Variants in CNTN4 observed in about 807,000 individuals in gnomAD.
The protein encoded by CNTN4 is contactin 4, also known as contactin-4.
CNTN4 carries 77 observed loss-of-function variants against 122.5 expected under a neutral mutation model. The ratio of observed to expected loss-of-function variants is 0.63; its 90% CI spans 0.52 to 0.76. The LOEUF (loss-of-function observed/expected upper bound fraction) is 0.76, where lower values mean the gene tolerates loss of function less well. Ranked by LOEUF, CNTN4 falls within the 30% of genes least tolerant of loss-of-function variation. The pLI, the probability that CNTN4 is intolerant of heterozygous loss-of-function variation, is 0.00. For missense variants in CNTN4, 1,256 were observed against 1,259.1 expected (o/e 1.00, Z 0.04); for synonymous variants, 512 against 447.0 (o/e 1.15, Z -1.83).
rs150875084 is a variant in CNTN4, at chr3:3,057,506, C to T, written c.*1286C>T. ...CAATGAGAAAGGTTTTGTGAGTAAA[C>T]CCTACTGGACAGTGACATAAAAGGC... On this transcript the variant is annotated 3_prime_UTR_variant, in exon 25 of 25. Transcript: ENST00000418658. The T allele has an allele frequency of 4.5e-4, 69 of 152,682 alleles. 1 individual carries two copies. The East Asian group carries it at 0.01, about 23-fold the overall frequency. 9.5% of individuals were successfully genotyped at this position (152,682 alleles called of 1,614,324 possible). A position where few individuals can be genotyped will look rare whatever the true frequency, so the allele number is the denominator to read the frequency against.
rs112045253 is a variant in CNTN4, at chr3:2,525,957, G to C, written c.-88-45459G>C. On this transcript the variant is annotated intron_variant, in intron 3 of 24. Transcript: ENST00000418658. ...CACCCCCATTGCTACTACAAATAAA[G>C]GTCTTAACAAGGTAGGTTTCTTATC... Among the ~76,000 whole-genome samples the C allele has an allele frequency of 3.8e-3, 573 of 152,114 alleles. 1 individual carries two copies. The highest frequency in any genetic ancestry group is 0.013 in the African/African-American group (539 of 41,518).
rs147728797 is a variant in CNTN4, at chr3:2,757,380, G to A, written c.358+11683G>A. On this transcript the variant is annotated intron_variant, in intron 6 of 24. Transcript: ENST00000418658. ...GAGTAGTTTGTTGGCCCTGAGTCCC[G>A]CTCTCTGGACTTCTTCCGTTTTCTA... 3.9e-3 allele frequency among the ~76,000 whole-genome samples: 596 copies of A among 152,168 alleles called. 5 individuals are homozygous for A. Among genetic ancestry groups the A allele is most frequent in the African/African-American group, 0.014 (565 of 41,514 alleles).
chr3:2,470,818 G>A (rs910755461), intron 3 of CNTN4, among the ~76,000 whole-genome samples: 1 of 152,174 alleles, frequency 6.6e-6, no homozygotes, highest in Non-Finnish European at 1.5e-5. Flanking sequence ...GCTGAACTGA[G>A]GAAAGTTTAA....
At chr3:2,986,903 T>C (rs1351546238) in intron 13 of CNTN4, among the ~76,000 whole-genome samples, 1 of 152,220 alleles carries the variant, frequency 6.6e-6, no homozygotes, top group African/African-American at 2.4e-5. Context: ...GATGCTACCA[T>C]TCCATGTGAT....
chr3:2,459,956 G>A (rs918294119), intron 3 of CNTN4, among the ~76,000 whole-genome samples: 1 of 152,054 alleles, frequency 6.6e-6, no homozygotes, highest in African/African-American at 2.4e-5. Flanking sequence ...GCTAAACCCA[G>A]GCATTGCTTC....
chr3:2,615,226 A>T (rs2081664837), intron 4 of CNTN4, among the ~76,000 whole-genome samples: 1 of 152,242 alleles, frequency 6.6e-6, no homozygotes, highest in Non-Finnish European at 1.5e-5. Flanking sequence ...GAAACAAAGC[A>T]AGCATTACAG....
intron 4 of CNTN4, among the ~76,000 whole-genome samples, chr3:2,601,828 A>T (rs978549336): frequency 2.1e-4 from 32 of 152,200 alleles, no homozygotes; most frequent in African/African-American, 7.5e-4. Context: ...ATGAACATTG[A>T]TGCAAAAATT....
intron 2 of CNTN4, among the ~76,000 whole-genome samples, chr3:2,261,020 T>A (rs951026213): frequency 6.6e-6 from 1 of 152,152 alleles, no homozygotes; most frequent in Non-Finnish European, 1.5e-5. Context: ...TGTGAGACAC[T>A]GCAGCCGGCC....
intron 3 of CNTN4, among the ~76,000 whole-genome samples, chr3:2,450,271 G>A (rs1185564758): frequency 1.3e-5 from 2 of 151,962 alleles, no homozygotes; most frequent in Admixed American, 6.6e-5. Context: ...GGAGGCTGAG[G>A]CAGGAGGATC....
rs146566727 is a variant in CNTN4, at chr3:3,030,917, C to G, written c.1725C>G (p.Val575=). The change falls in exon 16 of 25, where the codon GTC becomes GTG. Residue 575 remains valine, a synonymous_variant. Transcript: ENST00000418658. ...AACTGAAGCATGCTGGGAAATATGTCTGCATGGTCCAAACAAGTGTGGACA... is the reference window on the plus strand; with the variant it reads ...AACTGAAGCATGCTGGGAAATATGTGTGCATGGTCCAAACAAGTGTGGACA... ...NIQLKHAGKY[V]CMVQTSVDRL... The G allele has an allele frequency of 4.2e-5, 68 of 1,614,056 alleles. No individual in the cohort carries two copies. The African/African-American group carries it at 9.1e-4, about 22-fold the overall frequency.
At chr3:2,669,397 C>T (rs1028054900) in intron 4 of CNTN4, among the ~76,000 whole-genome samples, 1 of 152,158 alleles carries the variant, frequency 6.6e-6, no homozygotes, top group Non-Finnish European at 1.5e-5. Flanking sequence ...TTATAGTATT[C>T]TCTGATGGTA....
At chr3:2,508,349 G>T (rs1379261239) in intron 3 of CNTN4, among the ~76,000 whole-genome samples, 2 of 152,214 alleles carry the variant, frequency 1.3e-5, no homozygotes, top group Non-Finnish European at 2.9e-5. Context: ...TTTAGTGAGA[G>T]ATGCAAGGAA....
chr3:2,825,823 A>AT (rs2092975327), intron 7 of CNTN4, among the ~76,000 whole-genome samples: 1 of 152,048 alleles, frequency 6.6e-6, no homozygotes, highest in Non-Finnish European at 1.5e-5. Flanking sequence ...TTCTGCGATT[A>AT]TTTTCATTAT....
intron 4 of CNTN4, among the ~76,000 whole-genome samples, chr3:2,590,646 T>C (rs2080427016): frequency 6.6e-6 from 1 of 152,036 alleles, no homozygotes; most frequent in Non-Finnish European, 1.5e-5. Context: ...CTGAGCTCAC[T>C]AGAAATTCTA....
At chr3:2,897,210 G>A (rs2094124765) in intron 10 of CNTN4, among the ~76,000 whole-genome samples, 2 of 152,130 alleles carry the variant, frequency 1.3e-5, no homozygotes, top group African/African-American at 4.8e-5. Flanking sequence ...AGATTGAAAT[G>A]AAGAGATTGT....
chr3:2,173,667 A>ACTCAG (rs1291730505), intron 2 of CNTN4, among the ~76,000 whole-genome samples: 2 of 151,866 alleles, frequency 1.3e-5, no homozygotes, highest in African/African-American at 4.8e-5. Flanking sequence ...TCGAAGGTCA[A>ACTCAG]CTCAGCTACT....
intron 3 of CNTN4, among the ~76,000 whole-genome samples, chr3:2,441,953 G>T (rs2048458152): frequency 6.6e-6 from 1 of 152,032 alleles, no homozygotes; most frequent in Non-Finnish European, 1.5e-5. Flanking sequence ...TTTGAAATTG[G>T]CTCTTAGCAA....
intron 2 of CNTN4, among the ~76,000 whole-genome samples, chr3:2,277,073 G>T (rs750092127): frequency 1.3e-5 from 2 of 152,000 alleles, no homozygotes; most frequent in Non-Finnish European, 2.9e-5. Context: ...GGTATATTTG[G>T]TAAAAATACA....
At chr3:2,996,473 G>A (rs1217262345) in intron 14 of CNTN4, among the ~76,000 whole-genome samples, 1 of 151,920 alleles carries the variant, frequency 6.6e-6, no homozygotes, top group Non-Finnish European at 1.5e-5. Flanking sequence ...TTTCTTTCTT[G>A]TAAGGAAAAA....
Sources: gnomAD v4.1 joint callset for allele counts (sites outside exome capture counted in the v4.1 genomes callset) on GRCh38, gnomAD v4.1.1 for gene constraint, MANE v1.5 for transcripts, NCBI Gene and HGNC (gene_info 2026-07-23, HGNC 2026-07-21) for gene names.